Variants in BTBD9 observed in about 807,000 individuals in gnomAD.
BTBD9 encodes the protein BTB/POZ domain-containing protein 9.
In BTBD9, 49 loss-of-function variants were observed where a neutral mutation model predicts 64.3. The ratio of observed to expected loss-of-function variants is 0.76; its 90% CI spans 0.61 to 0.97. The LOEUF is 0.97. Among genes scored for constraint, BTBD9 ranks in the 50% least tolerant of loss-of-function variants. BTBD9 has a pLI of 0.00. For missense variants in BTBD9, 598 were observed against 762.1 expected (o/e 0.78, Z 2.53); for synonymous variants, 260 against 274.7 (o/e 0.95, Z 0.53).
chr6:38,380,927 A>G (rs1188180596), intron 6 of BTBD9, among the ~76,000 whole-genome samples: 4 of 152,188 alleles, frequency 2.6e-5, no homozygotes, highest in African/African-American at 9.6e-5. Flanking sequence ...TAGCAAATTA[A>G]AAATGCATGT....
chr6:38,214,171 G>GC (rs939832658), intron 9 of BTBD9, among the ~76,000 whole-genome samples: 5 of 152,064 alleles, frequency 3.3e-5, no homozygotes, highest in Admixed American at 2.6e-4. Flanking sequence ...TCTCTCCAAG[G>GC]CCCCTCACTC....
chr6:38,352,579 T>A (rs1214934187), intron 6 of BTBD9, among the ~76,000 whole-genome samples: 1 of 152,162 alleles, frequency 6.6e-6, no homozygotes, highest in Non-Finnish European at 1.5e-5. Flanking sequence ...CATAATGCAT[T>A]AGATAATACA....
At chr6:38,256,137 G>A (rs1033099949) in intron 9 of BTBD9, among the ~76,000 whole-genome samples, 1 of 151,944 alleles carries the variant, frequency 6.6e-6, no homozygotes, top group Non-Finnish European at 1.5e-5. Flanking sequence ...ATTGCATAAG[G>A]AAAGTTTTTT....
At chr6:38,206,505 T>C (rs1185593877) in intron 9 of BTBD9, among the ~76,000 whole-genome samples, 1 of 151,816 alleles carries the variant, frequency 6.6e-6, no homozygotes, top group Non-Finnish European at 1.5e-5. Context: ...CCTCCCAAAG[T>C]GCTGGGATTA....
intron 7 of BTBD9, among the ~76,000 whole-genome samples, chr6:38,332,044 T>C (rs1342951741): frequency 6.6e-6 from 1 of 152,220 alleles, no homozygotes; most frequent in East Asian, 1.9e-4. Flanking sequence ...GCAAAACGCT[T>C]TCAAGTTTAT....
intron 6 of BTBD9, among the ~76,000 whole-genome samples, chr6:38,396,071 G>A (rs1442952175): frequency 6.6e-6 from 1 of 152,068 alleles, no homozygotes; most frequent in Non-Finnish European, 1.5e-5. Context: ...AATACACACA[G>A]CATTTAAGAT....
chr6:38,322,025 G>C (rs1190449010), intron 7 of BTBD9, among the ~76,000 whole-genome samples: 1 of 151,784 alleles, frequency 6.6e-6, no homozygotes. Context: ...CGAATGCTGT[G>C]TATTAGTATA....
At chr6:38,618,684 G>C (rs1194278671) in intron 1 of BTBD9, among the ~76,000 whole-genome samples, 1 of 152,172 alleles carries the variant, frequency 6.6e-6, no homozygotes, top group Non-Finnish European at 1.5e-5. Context: ...AGCAGATCAG[G>C]GTAGACCTGG....
At chr6:38,273,428 T>C (rs1765261493) in intron 8 of BTBD9, among the ~76,000 whole-genome samples, 1 of 152,220 alleles carries the variant, frequency 6.6e-6, no homozygotes, top group Non-Finnish European at 1.5e-5. Context: ...GACAAGGGGA[T>C]GCTTCACATT....
intron 6 of BTBD9, among the ~76,000 whole-genome samples, chr6:38,354,797 C>T (rs961822926): frequency 1.3e-5 from 2 of 151,808 alleles, no homozygotes; most frequent in African/African-American, 2.4e-5. Context: ...CATAAAGCTA[C>T]CAAAAAGAAT....
intron 1 of BTBD9, among the ~76,000 whole-genome samples, chr6:38,608,454 G>T (rs182154599): frequency 6.6e-6 from 1 of 152,288 alleles, no homozygotes; most frequent in East Asian, 1.9e-4. Flanking sequence ...TTATGGGTCT[G>T]TAACATTCTT....
rs559758583 is a variant in BTBD9 at position 38,498,351 on chromosome 6, C to A, written c.1154+79249G>T. ...AGAGAATGCTAAGCATATTTCTTCA[C>A]AGACTGTACTAAACAGTTCTACATC... On this transcript the variant is annotated intron_variant, in intron 6 of 10. Coordinates refer to ENST00000481247, the MANE Select transcript of BTBD9 (RefSeq NM_001099272.2). 1.3e-4 allele frequency among the ~76,000 whole-genome samples: 19 copies of A among 151,432 alleles called. No homozygotes were observed. In the East Asian group the frequency reaches 3.3e-3, roughly 26 times the overall value.
chr6:38,411,709 G>A (rs1434394961), intron 6 of BTBD9, among the ~76,000 whole-genome samples: 2 of 152,114 alleles, frequency 1.3e-5, no homozygotes, highest in African/African-American at 2.4e-5. Context: ...GCCAAGGCGG[G>A]CAGATTACTT....
intron 9 of BTBD9, among the ~76,000 whole-genome samples, chr6:38,208,449 G>A (rs1351532079): frequency 6.8e-6 from 1 of 147,348 alleles, no homozygotes; most frequent in Non-Finnish European, 1.5e-5. Context: ...GAGAGAGAGA[G>A]CATTTTCCAG....
At chr6:38,586,400 T>C (rs1776527657) in intron 4 of BTBD9, among the ~76,000 whole-genome samples, 1 of 146,670 alleles carries the variant, frequency 6.8e-6, no homozygotes, top group Non-Finnish European at 1.5e-5. Context: ...AAAACACTGT[T>C]TGGATCTTTT....
At chr6:38,315,487 C>T (rs1422014243) in intron 7 of BTBD9, among the ~76,000 whole-genome samples, 1 of 151,684 alleles carries the variant, frequency 6.6e-6, no homozygotes, top group East Asian at 1.9e-4. Flanking sequence ...TTTTAAATCC[C>T]ACAGGTTTTG....
At chr6:38,385,055 G>A (rs568437060) in intron 6 of BTBD9, among the ~76,000 whole-genome samples, 5 of 151,416 alleles carry the variant, frequency 3.3e-5, no homozygotes, top group African/African-American at 1.2e-4. Context: ...GGTCACACAG[G>A]TTCCTAAGAT....
intron 6 of BTBD9, among the ~76,000 whole-genome samples, chr6:38,559,078 C>G (rs1367906710): frequency 6.6e-6 from 1 of 152,098 alleles, no homozygotes; most frequent in Non-Finnish European, 1.5e-5. Context: ...TTTACTATAA[C>G]TGATTCCATT....
intron 6 of BTBD9, among the ~76,000 whole-genome samples, chr6:38,509,646 A>T (rs933513816): frequency 2.0e-5 from 3 of 152,178 alleles, no homozygotes; most frequent in African/African-American, 4.8e-5. Flanking sequence ...ATAAAATATA[A>T]AAAAAAGGCA....
Sources: allele counts gnomAD v4.1 joint callset (sites outside exome capture counted in the v4.1 genomes callset), GRCh38; gene constraint gnomAD v4.1.1; transcripts MANE v1.5; gene names NCBI Gene and HGNC (gene_info 2026-07-23, HGNC 2026-07-21).